Variants in BRD10 observed in about 807,000 individuals in gnomAD.
BRD10 encodes bromodomain containing 10.
the BRD10 span, among the ~76,000 whole-genome samples, chr9:5,949,733 A>G: frequency 2.0e-5 from 3 of 152,188 alleles, no homozygotes; most frequent in Admixed American, 2.0e-4. Flanking sequence ...TTGAGACTCA[A>G]CACATTAGTT....
chr9:5,978,548 A>T, the BRD10 span, among the ~76,000 whole-genome samples: 38 of 152,306 alleles, frequency 2.5e-4, no homozygotes, highest in Admixed American at 7.2e-4. Flanking sequence ...CAAGTCCATC[A>T]GTCAACCTTC....
the BRD10 span, chr9:5,922,562 A>G: frequency 6.2e-7 from 1 of 1,613,970 alleles, no homozygotes; most frequent in Non-Finnish European, 8.5e-7. Flanking sequence ...AGAAGAATTT[A>G]TATTTGTTGT....
At chr9:5,917,535 G>A in the BRD10 span, among the ~76,000 whole-genome samples, 1 of 152,186 alleles carries the variant, frequency 6.6e-6, no homozygotes, top group Non-Finnish European at 1.5e-5. Context: ...GGATTTAGGA[G>A]TTAGAAGAGA....
the BRD10 span, among the ~76,000 whole-genome samples, chr9:5,895,686 G>A: frequency 6.6e-6 from 1 of 152,204 alleles, no homozygotes; most frequent in African/African-American, 2.4e-5. Flanking sequence ...CCACCTAAGA[G>A]GCTGATTGGG....
chr9:5,930,301 A>C, the BRD10 span, among the ~76,000 whole-genome samples: 26 of 150,898 alleles, frequency 1.7e-4, no homozygotes, highest in African/African-American at 6.1e-4. Flanking sequence ...AAGGTGGAAA[A>C]ATTACCACTA....
chr9:5,991,924 T>C, the BRD10 span, among the ~76,000 whole-genome samples: 2 of 152,164 alleles, frequency 1.3e-5, no homozygotes, highest in African/African-American at 4.8e-5. Flanking sequence ...CTCTCCATTT[T>C]ATTCTCAGTC....
chr9:5,930,512 G>A, the BRD10 span, among the ~76,000 whole-genome samples: 1 of 151,718 alleles, frequency 6.6e-6, no homozygotes, highest in Non-Finnish European at 1.5e-5. Flanking sequence ...ACATTAACAG[G>A]TAAATTTCTA....
chr9:5,883,765 C>A, the BRD10 span, among the ~76,000 whole-genome samples: 1 of 152,106 alleles, frequency 6.6e-6, no homozygotes. Context: ...AGCCACTGCA[C>A]CCACCCCCTA....
the BRD10 span, chr9:5,922,107 T>C: frequency 3.1e-6 from 5 of 1,614,012 alleles, no homozygotes; most frequent in Middle Eastern, 1.6e-4. Flanking sequence ...TGATCTGGGT[T>C]GGTCTGTACT....
At chr9:5,913,327 G>C in the BRD10 span, among the ~76,000 whole-genome samples, 1 of 152,166 alleles carries the variant, frequency 6.6e-6, no homozygotes, top group Non-Finnish European at 1.5e-5. Context: ...AAGAACAGAA[G>C]GGAGTCTCTA....
the BRD10 span, among the ~76,000 whole-genome samples, chr9:5,960,930 C>T: frequency 2.4e-4 from 37 of 151,920 alleles, no homozygotes; most frequent in Non-Finnish European, 4.7e-4. Flanking sequence ...TATACTGATA[C>T]GCAGGGGAAA....
At chr9:6,008,380 G>A in the BRD10 span, 2 of 889,498 alleles carry the variant, frequency 2.2e-6, no homozygotes, top group Non-Finnish European at 2.7e-6. Flanking sequence ...AGAAAGGGGA[G>A]GGGCAGGGAG....
the BRD10 span, among the ~76,000 whole-genome samples, chr9:5,912,882 A>G: frequency 1.4e-4 from 21 of 152,198 alleles, no homozygotes; most frequent in African/African-American, 4.8e-4. Context: ...TCTGGCTGCA[A>G]TAAGCATTTT....
chr9:5,920,197 A>C, the BRD10 span: 1 of 1,614,004 alleles, frequency 6.2e-7, no homozygotes, highest in Non-Finnish European at 8.5e-7. Flanking sequence ...CTATTGGTGT[A>C]GATTGAATGC....
At chr9:5,953,486 A>G in the BRD10 span, among the ~76,000 whole-genome samples, 2 of 152,232 alleles carry the variant, frequency 1.3e-5, no homozygotes, top group South Asian at 4.1e-4. Context: ...GACCATTTCA[A>G]TTAACCTTTA....
the BRD10 span, among the ~76,000 whole-genome samples, chr9:5,938,790 C>T: frequency 6.6e-6 from 1 of 152,098 alleles, no homozygotes; most frequent in Admixed American, 6.5e-5. Context: ...TAACCATTAA[C>T]GAGTTTACCA....
chr9:5,987,306 T>A, the BRD10 span, among the ~76,000 whole-genome samples: 1 of 152,218 alleles, frequency 6.6e-6, no homozygotes, highest in Non-Finnish European at 1.5e-5. Context: ...CAATCTGATT[T>A]CTTCCAATTT....
At chr9:5,920,076 T>C in the BRD10 span, 1 of 1,613,944 alleles carries the variant, frequency 6.2e-7, no homozygotes, top group African/African-American at 1.3e-5. Flanking sequence ...GGTATAGAAC[T>C]TGCATTCCCA....
chr9:5,906,304 T>C, the BRD10 span, among the ~76,000 whole-genome samples: 2 of 147,038 alleles, frequency 1.4e-5, no homozygotes, highest in Non-Finnish European at 3.0e-5. Flanking sequence ...TACTCCAGCC[T>C]GGGCAACAGA....
Sources: gnomAD v4.1 joint callset for allele counts (sites outside exome capture counted in the v4.1 genomes callset) on GRCh38, gnomAD v4.1.1 for gene constraint, MANE v1.5 for transcripts, NCBI Gene and HGNC (gene_info 2026-07-23, HGNC 2026-07-21) for gene names.